The following ESYT3 variants were observed in gnomAD, a reference collection of about 807,000 sequenced individuals.
ESYT3 encodes extended synaptotagmin 3.
A neutral mutation model predicts 111.5 loss-of-function variants in ESYT3; 101 were observed. The observed-to-expected ratio is 0.91, with a 90% CI of 0.77 to 1.07. The LOEUF (loss-of-function observed/expected upper bound fraction) is 1.07, where lower values mean the gene tolerates loss of function less well. ESYT3 is among the 50% of genes least tolerant of loss of function. The probability of loss-of-function intolerance (pLI) is 0.00; values close to 1 mark genes in which losing one functional copy is unlikely to be tolerated. For missense variants in ESYT3, 1,097 were observed against 1,109.4 expected, an observed-to-expected ratio of 0.99 and a Z score of 0.16; for synonymous variants, 416 against 446.8, an observed-to-expected ratio of 0.93 and a Z score of 0.87.
rs1266729705 is a variant in ESYT3, at chr3:138,455,374, T to G, written c.504+46T>G. ...TCAGCCTGGACTGGCTGTGCAGTCT[T>G]CTCTCTGTTCCCTCTCCTCCCACCT... On this transcript the variant is annotated intron_variant, in intron 3 of 22. Coordinates refer to ENST00000389567, the MANE Select transcript of ESYT3 (RefSeq NM_031913.5). The G allele has an allele frequency of 3.1e-6, 5 of 1,605,570 alleles. No homozygotes were observed. In the African/African-American group the frequency reaches 4.0e-5, roughly 13 times the overall value.
rs535619351 is a variant in ESYT3, at chr3:138,457,493, G to A, written c.505-75G>A. The A allele has an allele frequency of 1.4e-4, 185 of 1,352,376 alleles. No homozygotes were observed. In the Middle Eastern group the frequency reaches 1.7e-3, roughly 12 times the overall value. The allele number at this position is 1,352,376 out of a possible 1,614,324, so 83.8% of individuals were successfully genotyped here. A position where few individuals can be genotyped will look rare whatever the true frequency, so the allele number is the denominator to read the frequency against. ...TCATGCTCGTTGCTGACAAAGCCCA[G>A]TGCCGGGGGGAGAGCTGGCAGCTGT... is the stretch of plus-strand genomic sequence containing the variant. On this transcript the variant is annotated intron_variant, in intron 3 of 22. Coordinates refer to ENST00000389567, the MANE Select transcript of ESYT3 (RefSeq NM_031913.5).
intron 1 of ESYT3, among the ~76,000 whole-genome samples, chr3:138,450,028 C>G (rs1363700885): frequency 6.6e-6 from 1 of 152,198 alleles, no homozygotes; most frequent in Admixed American, 6.5e-5. Context: ...CCTCACTTAT[C>G]CCCAACTTGG....
At chr3:138,465,492 C>T in intron 10 of ESYT3, 71 bp downstream of exon 10, 1 of 1,225,680 alleles carries the variant, frequency 8.2e-7, no homozygotes, top group Non-Finnish European at 1.2e-6. Flanking sequence ...GCTAGATACC[C>T]TGCTCCTACC....
chr3:138,468,164 A>C lies in ESYT3; in HGVS notation c.1278A>C (p.Ser426=). 1 of 1,614,156 alleles carries C rather than the reference A, an allele frequency of 6.2e-7. No homozygotes were observed. Among genetic ancestry groups the C allele is most frequent in the South Asian group, 1.1e-5 (1 of 91,084 alleles). ...GRLHLRLEWL[S]LLTDQEVLTE... ...TGCACCTGCGGCTGGAGTGGCTTTC[A>C]TTGCTTACTGACCAAGAAGTTCTGA... Residue 426 remains serine, a synonymous_variant, in exon 12 of 23, where the codon TCA becomes TCC. Transcript: ENST00000389567.
chr3:138,476,084 A>G, intron 20 of ESYT3, 139 bp from the exon 21 acceptor site: 1 of 626,084 alleles, frequency 1.6e-6, no homozygotes, highest in East Asian at 2.7e-5. Flanking sequence ...CATCGTGAGT[A>G]GTTATGAGCC....
At chr3:138,464,114 G>C (rs534143562) in intron 8 of ESYT3, among the ~76,000 whole-genome samples, 1 of 152,258 alleles carries the variant, frequency 6.6e-6, no homozygotes, top group Non-Finnish European at 1.5e-5. Flanking sequence ...TGGAGGCAGG[G>C]AGTGTGGAGG....
chr3:138,447,219 A>C (rs545012190), intron 1 of ESYT3, among the ~76,000 whole-genome samples: 1 of 152,232 alleles, frequency 6.6e-6, no homozygotes, highest in Non-Finnish European at 1.5e-5. Flanking sequence ...TTAGAAGGAC[A>C]TGATTAATAA....
At chr3:138,454,763 T>C (rs1312954277) in intron 2 of ESYT3, among the ~76,000 whole-genome samples, 1 of 152,230 alleles carries the variant, frequency 6.6e-6, no homozygotes, top group Non-Finnish European at 1.5e-5. Flanking sequence ...TTCTGATTGC[T>C]AGAAAATGAA....
chr3:138,461,722 A>T (rs1428019450), intron 7 of ESYT3, among the ~76,000 whole-genome samples: 1 of 152,216 alleles, frequency 6.6e-6, no homozygotes, highest in Non-Finnish European at 1.5e-5. Context: ...GAGGATGCTG[A>T]GGTCCAGAGA....
intron 3 of ESYT3, 94 bp downstream of exon 3, chr3:138,455,422 A>T: frequency 2.1e-6 from 3 of 1,415,132 alleles, no homozygotes; most frequent in Non-Finnish European, 2.9e-6. Flanking sequence ...GGTCAGTCAT[A>T]TGACTGCAGA....
In ESYT3 at chr3:138,473,632, C is replaced by T. The variant is rs1243875967; in HGVS notation, c.2334C>T (p.Cys778=). 1.9e-6 allele frequency: 3 copies of T among 1,612,920 alleles called. No individual in the cohort carries two copies. The highest frequency in any genetic ancestry group is 2.2e-5 in the East Asian group (1 of 44,850). The part of the protein sequence containing the change: ...RRCLSVLING[C]RNLTPCTSSG... ...GCCTCAGCGTGCTAATCAATGGCTG[C>T]AGGTAAAGGGATTCTAGGGCCAGGG... is the stretch of plus-strand genomic sequence containing the variant. The change falls in exon 19 of 23, where the codon TGC becomes TGT. Residue 778 remains cysteine (C), a splice_region_variant and synonymous_variant. Transcript: ENST00000389567.
intron 1 of ESYT3, among the ~76,000 whole-genome samples, chr3:138,444,967 C>G (rs1485575844): frequency 6.6e-6 from 1 of 152,190 alleles, no homozygotes; most frequent in Non-Finnish European, 1.5e-5. Context: ...CTGGGGAGCC[C>G]TGTCCACTCA....
intron 4 of ESYT3, 115 bp from the exon 5 acceptor site, chr3:138,459,072 G>A: frequency 2.7e-6 from 2 of 741,340 alleles, no homozygotes; most frequent in Non-Finnish European, 4.4e-6. Context: ...AGAGCTCAGG[G>A]TCGGCAACTG....
rs774842148 is a variant in ESYT3, at chr3:138,455,269, C to T, written c.445C>T (p.Arg149Ter). 28 of 1,613,972 alleles carry T rather than the reference C, an allele frequency of 1.7e-5. No individual in the cohort carries two copies. The highest frequency in any genetic ancestry group is 1.6e-4 in the Middle Eastern group (1 of 6,084). Residue 149 changes from arginine to a stop codon, truncating the protein, a stop_gained, in exon 3 of 23, where the codon CGA becomes TGA. Transcript: ENST00000389567. LOFTEE classifies it high-confidence loss of function. The part of the protein sequence containing the change: ...KFREKLEPKI[R>*]EKSIHLRTFT... ...CCGGGAGAAACTTGAGCCCAAGATC[C>T]GAGAGAAGAGCATCCACCTGAGGAC...
chr3:138,470,915 G>A lies in ESYT3; in HGVS notation c.1629G>A (p.Leu543=). 1.9e-6 allele frequency: 3 copies of A among 1,614,150 alleles called. No individual in the cohort carries two copies. Among genetic ancestry groups the A allele is most frequent in the Non-Finnish European group, 2.5e-6 (3 of 1,180,042 alleles). The change falls in exon 17 of 23, where the codon CTG becomes CTA. Residue 543 remains leucine, a synonymous_variant. Coordinates refer to ENST00000389567, the MANE Select transcript of ESYT3 (RefSeq NM_031913.5). ...ACCAGGAGTGTGCTCTGGGAATGCT[G>A]GAGGTCCCCCTGTGCCAGATCCTCC... ...DDDQECALGM[L]EVPLCQILPY...
downstream of ESYT3, chr3:138,480,110 AC>A (rs1355543375): frequency 6.6e-6 from 1 of 152,174 alleles, no homozygotes; most frequent in Non-Finnish European, 1.5e-5. Flanking sequence ...ACCCTGCAAA[AC>A]GTAGGAGGGG....
At chr3:138,450,114 C>T (rs2031828653) in intron 1 of ESYT3, among the ~76,000 whole-genome samples, 1 of 152,148 alleles carries the variant, frequency 6.6e-6, no homozygotes, top group Non-Finnish European at 1.5e-5. Flanking sequence ...GTAGGGAGGA[C>T]TGTTTCAGAC....
At position 138,472,478 on chromosome 3, in the gene ESYT3, C is replaced by T. The variant is rs1421764880; in HGVS notation, c.1856C>T (p.Pro619Leu). The change falls in exon 18 of 23, where the codon CCT (proline) becomes CTT (leucine). Residue 619 changes from proline (P) to leucine (L), a missense_variant. Coordinates refer to ENST00000389567, the MANE Select transcript of ESYT3 (RefSeq NM_031913.5). The part of the protein sequence containing the change: ...VATNQGPKAQ[P>L]QEEGPTDLPC... ...ACCAACCAGGGTCCCAAAGCCCAAC[C>T]TCAGGAAGAAGGCCCTACAGATTTG... The T allele has an allele frequency of 6.2e-7, 1 of 1,614,222 alleles. No homozygotes were observed. The highest frequency in any genetic ancestry group is 8.5e-7 in the Non-Finnish European group (1 of 1,180,044).
At chr3:138,450,087 G>A (rs2031826177) in intron 1 of ESYT3, among the ~76,000 whole-genome samples, 2 of 152,164 alleles carry the variant, frequency 1.3e-5, no homozygotes, top group Non-Finnish European at 2.9e-5. Flanking sequence ...AGTGACGAAC[G>A]AATCAATCAA....
Sources: allele counts gnomAD v4.1 joint callset (sites outside exome capture counted in the v4.1 genomes callset), GRCh38; gene constraint gnomAD v4.1.1; transcripts MANE v1.5; gene names NCBI Gene and HGNC (gene_info 2026-07-23, HGNC 2026-07-21).